PPP2R2C: variants seen among roughly 807,000 people sequenced by gnomAD.
PPP2R2C encodes the protein protein phosphatase 2 regulatory subunit Bgamma.
In PPP2R2C, 10 loss-of-function variants were observed where a neutral mutation model predicts 45.3. That is an observed-to-expected ratio of 0.22 (90% confidence interval 0.14 to 0.37). The LOEUF (loss-of-function observed/expected upper bound fraction) is 0.37. Among genes scored for constraint, PPP2R2C ranks in the 10% least tolerant of loss-of-function variants. The pLI is 1.00. For missense variants in PPP2R2C, 308 were observed against 619.7 expected (o/e 0.50, Z 5.34); for synonymous variants, 257 against 245.4 (o/e 1.05, Z -0.44).
rs1158379971 is a variant in PPP2R2C at position 6,368,677 on chromosome 4, A to C, written c.625+3846T>G. Among the ~76,000 whole-genome samples, 1 of 152,102 alleles carries C rather than the reference A, an allele frequency of 6.6e-6. No homozygotes were observed. Among genetic ancestry groups the C allele is most frequent in the Non-Finnish European group, 1.5e-5 (1 of 68,016 alleles). ...TCCAAAACTGGTTATGATACAATCC[A>C]AATCTATGACACCTCCATCCTTACA... is the stretch of plus-strand genomic sequence containing the variant. On this transcript the variant is annotated intron_variant, in intron 5 of 8. Coordinates refer to ENST00000382599, the MANE Select transcript of PPP2R2C (RefSeq NM_020416.4). The surrounding 1 kb of genome is among the most constrained non-coding windows in gnomAD (Gnocchi z 4.2).
At chr4:6,341,745 T>C (rs1253418063) in intron 6 of PPP2R2C, among the ~76,000 whole-genome samples, 1 of 152,002 alleles carries the variant, frequency 6.6e-6, no homozygotes, top group Non-Finnish European at 1.5e-5. Context: ...AGAGATGGGA[T>C]GATGGAAGCA....
At chr4:6,499,094 G>C (rs1334389662) in intron 2 of PPP2R2C, among the ~76,000 whole-genome samples, 3 of 152,084 alleles carry the variant, frequency 2.0e-5, no homozygotes, top group Non-Finnish European at 4.4e-5. Context: ...AGATTGGGAG[G>C]GGAAAAGCAA....
At chr4:6,404,374 A>G (rs750629682) in intron 1 of PPP2R2C, among the ~76,000 whole-genome samples, 2 of 151,816 alleles carry the variant, frequency 1.3e-5, no homozygotes, top group Non-Finnish European at 1.5e-5. Flanking sequence ...ACTTGCAGAT[A>G]CTCCTACCCT....
chr4:6,550,861 A>C (rs1475602086), intron 1 of PPP2R2C, among the ~76,000 whole-genome samples: 1 of 152,190 alleles, frequency 6.6e-6, no homozygotes, highest in African/African-American at 2.4e-5. Context: ...GCCCAGGCTG[A>C]TCTTGAATTA....
At chr4:6,425,813 C>CTG (rs147253945) in intron 1 of PPP2R2C, among the ~76,000 whole-genome samples, 35,116 of 148,428 alleles carry the variant, frequency 0.24, 4,635 homozygotes, top group Admixed American at 0.4. Flanking sequence ...CGATGCTTGG[C>CTG]TGTGTGTGTG....
intron 2 of PPP2R2C, among the ~76,000 whole-genome samples, chr4:6,521,455 C>T (rs1462940658): frequency 6.6e-6 from 1 of 152,226 alleles, no homozygotes; most frequent in Non-Finnish European, 1.5e-5. Flanking sequence ...GAAGCTTCTG[C>T]CATTCATTGA....
intron 1 of PPP2R2C, among the ~76,000 whole-genome samples, chr4:6,438,043 A>G (rs1719977662): frequency 6.6e-6 from 1 of 152,198 alleles, no homozygotes; most frequent in South Asian, 2.1e-4. Context: ...GAGTGGTTTC[A>G]TGGGTCTTTG....
intron 6 of PPP2R2C, among the ~76,000 whole-genome samples, chr4:6,346,852 T>C (rs1444139369): frequency 6.6e-6 from 1 of 152,160 alleles, no homozygotes; most frequent in African/African-American, 2.4e-5. Context: ...TCAGTCAGGG[T>C]CCTCTGGGGT....
intron 2 of PPP2R2C, among the ~76,000 whole-genome samples, chr4:6,507,316 A>G (rs1723270801): frequency 6.6e-6 from 1 of 152,214 alleles, no homozygotes; most frequent in Non-Finnish European, 1.5e-5. Flanking sequence ...CCTGCCTCTG[A>G]CTACATGCAA....
At chr4:6,479,067 G>A (rs573995855) in intron 2 of PPP2R2C, among the ~76,000 whole-genome samples, 2 of 152,292 alleles carry the variant, frequency 1.3e-5, no homozygotes, top group East Asian at 1.9e-4. Flanking sequence ...CTGCTAATAC[G>A]TTGCACTATA....
intron 2 of PPP2R2C, among the ~76,000 whole-genome samples, chr4:6,495,164 G>C (rs957548264): frequency 1.3e-5 from 2 of 152,256 alleles, no homozygotes; most frequent in African/African-American, 4.8e-5. Flanking sequence ...CTCAGGCTGA[G>C]AGCCACAGTG....
chr4:6,336,100 T>G (rs1732824890), intron 6 of PPP2R2C, among the ~76,000 whole-genome samples: 1 of 152,044 alleles, frequency 6.6e-6, no homozygotes, highest in Admixed American at 6.5e-5. Context: ...TATCCACTAA[T>G]AAGTGGTGTC....
At chr4:6,390,019 C>G (rs1716491300) in intron 1 of PPP2R2C, among the ~76,000 whole-genome samples, 1 of 152,094 alleles carries the variant, frequency 6.6e-6, no homozygotes, top group South Asian at 2.1e-4. Context: ...TGAAAGAGAC[C>G]CTCAAAAGGC....
intron 1 of PPP2R2C, among the ~76,000 whole-genome samples, chr4:6,426,299 T>C (rs1354184590): frequency 2.0e-5 from 3 of 152,214 alleles, no homozygotes; most frequent in African/African-American, 7.2e-5. Flanking sequence ...TCCAGCTCCC[T>C]TCTACGATCA....
intron 1 of PPP2R2C, among the ~76,000 whole-genome samples, chr4:6,428,126 T>C (rs1403290180): frequency 6.6e-6 from 1 of 152,232 alleles, no homozygotes; most frequent in African/African-American, 2.4e-5. Flanking sequence ...ACCTTCCTCT[T>C]TATGCATGTC....
At chr4:6,457,336 A>T (rs1435868920) in intron 1 of PPP2R2C, among the ~76,000 whole-genome samples, 1 of 151,968 alleles carries the variant, frequency 6.6e-6, no homozygotes, top group Admixed American at 6.6e-5. Context: ...AAAGTCTTTT[A>T]TGGACAGTTA....
At chr4:6,533,414 C>T (rs949949526) in intron 2 of PPP2R2C, among the ~76,000 whole-genome samples, 1 of 152,192 alleles carries the variant, frequency 6.6e-6, no homozygotes, top group Admixed American at 6.5e-5. Flanking sequence ...TAATTCCTCA[C>T]AAAGACCTGT....
At chr4:6,334,080 C>A (rs1417079139) in intron 6 of PPP2R2C, among the ~76,000 whole-genome samples, 1 of 152,144 alleles carries the variant, frequency 6.6e-6, no homozygotes, top group Non-Finnish European at 1.5e-5. Context: ...ATGCTGAATG[C>A]CAGATTGCAA....
At chr4:6,426,616 T>C (rs1032350076) in intron 1 of PPP2R2C, among the ~76,000 whole-genome samples, 3 of 152,200 alleles carry the variant, frequency 2.0e-5, no homozygotes, top group African/African-American at 7.2e-5. Flanking sequence ...TATGCCCACC[T>C]TATTCCTCAC....
Sources: allele counts gnomAD v4.1 joint callset (sites outside exome capture counted in the v4.1 genomes callset), GRCh38; gene constraint gnomAD v4.1.1; non-coding constraint Gnocchi (gnomAD v3.1); transcripts MANE v1.5; gene names NCBI Gene and HGNC (gene_info 2026-07-23, HGNC 2026-07-21).